Variants in KBTBD12 observed in about 807,000 individuals in gnomAD.
KBTBD12 encodes kelch repeat and BTB domain-containing protein 12.
Under a neutral mutation model 58.7 loss-of-function variants are expected in KBTBD12, and 53 were observed. The ratio of observed to expected loss-of-function variants is 0.90; its 90% CI spans 0.72 to 1.14. The LOEUF is 1.14. Among genes scored for constraint, KBTBD12 ranks in the 50% most tolerant of loss-of-function variants. KBTBD12 has a pLI of 0.00. For missense variants in KBTBD12, 704 were observed against 751.3 expected (o/e 0.94, Z 0.74); for synonymous variants, 236 against 259.8 (o/e 0.91, Z 0.88).
intron 5 of KBTBD12, among the ~76,000 whole-genome samples, chr3:127,964,476 A>G (rs1940521626): frequency 1.3e-5 from 2 of 151,410 alleles, no homozygotes; most frequent in African/African-American, 2.4e-5. Context: ...TACTTAAAAA[A>G]AAAAAAAATA....
intron 1 of KBTBD12, among the ~76,000 whole-genome samples, chr3:127,918,528 C>T (rs1273909089): frequency 6.6e-6 from 1 of 151,952 alleles, no homozygotes; most frequent in Non-Finnish European, 1.5e-5. Context: ...CTGGCTAACA[C>T]GGTGAAACCC....
At chr3:127,964,075 A>T (rs778185162) in intron 5 of KBTBD12, among the ~76,000 whole-genome samples, 38 of 152,200 alleles carry the variant, frequency 2.5e-4, no homozygotes, top group Admixed American at 2.0e-4. Context: ...GAGATTATAA[A>T]CTATGCATAA....
In KBTBD12 at chr3:127,930,172, A is replaced by G. The variant is rs753914565; in HGVS notation, c.1381A>G (p.Lys461Glu). 1.9e-6 allele frequency: 3 copies of G among 1,601,148 alleles called. No individual in the cohort carries two copies. Among genetic ancestry groups the G allele is most frequent in the African/African-American group, 2.7e-5 (2 of 74,736 alleles). The change falls in exon 4 of 6, where the codon AAA (lysine) becomes GAA (glutamate). Residue 461 changes from lysine to glutamate, a missense_variant. Coordinates refer to ENST00000405109, the MANE Select transcript of KBTBD12 (RefSeq NM_207335.4). ...PDEEPDRLSN[K>E]LLQYDPSQDQ... ...TGAAGAACCTGATCGATTAAGCAAC[A>G]AACTGTTGCAGTATGACCCCAGCCA...
chr3:127,975,316 G>A (rs760447765), intron 5 of KBTBD12, among the ~76,000 whole-genome samples: 1 of 152,192 alleles, frequency 6.6e-6, no homozygotes, highest in Non-Finnish European at 1.5e-5. Flanking sequence ...AAATCCTCAG[G>A]CAAAGAGTAG....
intron 5 of KBTBD12, among the ~76,000 whole-genome samples, chr3:127,965,981 T>C (rs1331382595): frequency 6.6e-6 from 1 of 152,042 alleles, no homozygotes; most frequent in Non-Finnish European, 1.5e-5. Context: ...GAAATGAAAA[T>C]GATACTGAAA....
chr3:127,984,337 G>A lies in KBTBD12; in HGVS notation c.*59G>A. ...CAAACAAGGCCTTCAGAACGGAGAGGGCCCACAGCATCTCTGTCATGCCAG... is the reference window on the plus strand; with the variant it reads ...CAAACAAGGCCTTCAGAACGGAGAGAGCCCACAGCATCTCTGTCATGCCAG... On this transcript the variant is annotated 3_prime_UTR_variant, in exon 6 of 6. Coordinates refer to ENST00000405109, the MANE Select transcript of KBTBD12 (RefSeq NM_207335.4). 2 of 1,467,166 alleles carry A rather than the reference G, an allele frequency of 1.4e-6. No individual in the cohort carries two copies. The highest frequency in any genetic ancestry group is 1.9e-6 in the Non-Finnish European group (2 of 1,063,964). 90.9% of individuals were successfully genotyped at this position (1,467,166 alleles called of 1,614,324 possible). A position where few individuals can be genotyped will look rare whatever the true frequency, so the allele number is the denominator to read the frequency against.
At chr3:127,930,958 C>T (rs914648793) in intron 4 of KBTBD12, among the ~76,000 whole-genome samples, 2 of 152,094 alleles carry the variant, frequency 1.3e-5, no homozygotes, top group Admixed American at 6.6e-5. Flanking sequence ...TAAGTACATT[C>T]CATCTGCCTA....
chr3:127,924,176 C>T, intron 2 of KBTBD12, 45 bp downstream of exon 2: 1 of 1,246,564 alleles, frequency 8.0e-7, no homozygotes, highest in Non-Finnish European at 1.1e-6. Flanking sequence ...TGTTTTGATA[C>T]TAGCAGCAGT....
intron 5 of KBTBD12, 80 bp downstream of exon 5, chr3:127,963,466 T>C (rs927450928): frequency 7.7e-7 from 1 of 1,291,116 alleles, no homozygotes. Flanking sequence ...TCACCACTAA[T>C]ATTCCTGAGA....
intron 5 of KBTBD12, among the ~76,000 whole-genome samples, chr3:127,973,536 T>C (rs1422315234): frequency 1.3e-5 from 2 of 152,158 alleles, no homozygotes; most frequent in East Asian, 1.9e-4. Context: ...GGTATGATAA[T>C]GGTTTGTGAT....
At chr3:127,926,117 T>C (rs1444827733) in intron 2 of KBTBD12, among the ~76,000 whole-genome samples, 1 of 152,196 alleles carries the variant, frequency 6.6e-6, no homozygotes, top group Non-Finnish European at 1.5e-5. Flanking sequence ...AAGGCCTTTG[T>C]CACTATTGTT....
intron 5 of KBTBD12, among the ~76,000 whole-genome samples, chr3:127,971,242 G>A (rs549629787): frequency 1.3e-4 from 20 of 152,272 alleles, no homozygotes; most frequent in African/African-American, 4.1e-4. Context: ...TTAGGTACCT[G>A]CAAAAGATTC....
chr3:127,972,896 G>A (rs1462216098), intron 5 of KBTBD12, among the ~76,000 whole-genome samples: 1 of 152,192 alleles, frequency 6.6e-6, no homozygotes, highest in Non-Finnish European at 1.5e-5. Flanking sequence ...ATCCTAATTT[G>A]TATAATAGTT....
Position 127,985,815 on chromosome 3 carries a change from G to A in KBTBD12, c.*1537G>A, listed in dbSNP as rs1257441786. Reference sequence around the variant, plus strand: ...AGTGCACTCACAGTACCTGGCATGTGGGTGACCTCTTGGGTGGCCGGCATG... The same window carrying A: ...AGTGCACTCACAGTACCTGGCATGTAGGTGACCTCTTGGGTGGCCGGCATG... On this transcript the variant is annotated 3_prime_UTR_variant, in exon 6 of 6. Coordinates refer to ENST00000405109, the MANE Select transcript of KBTBD12 (RefSeq NM_207335.4). 1 of 152,320 alleles carries A rather than the reference G, an allele frequency of 6.6e-6. No individual in the cohort carries two copies. Among genetic ancestry groups the A allele is most frequent in the Non-Finnish European group, 1.5e-5 (1 of 68,106 alleles). 9.4% of individuals were successfully genotyped at this position (152,320 alleles called of 1,614,324 possible).
chr3:127,949,477 T>C (rs933473359), intron 4 of KBTBD12, among the ~76,000 whole-genome samples: 1 of 152,174 alleles, frequency 6.6e-6, no homozygotes, highest in African/African-American at 2.4e-5. Flanking sequence ...TTAGTGCTTA[T>C]TGAAAGGACC....
chr3:127,949,891 C>G (rs370252945), intron 4 of KBTBD12, among the ~76,000 whole-genome samples: 1 of 152,124 alleles, frequency 6.6e-6, no homozygotes, highest in African/African-American at 2.4e-5. Flanking sequence ...GGGGAAGGAG[C>G]TGGAAATCAA....
In KBTBD12 at chr3:127,986,190, C is replaced by G. The variant is rs774446546; in HGVS notation, c.*1912C>G. ...CAAGATCTGGGTTCCAGCCCCCGCT[C>G]TGCTACTTAGCTAACCATGTGAACT... On this transcript the variant is annotated 3_prime_UTR_variant, in exon 6 of 6. Transcript: ENST00000405109. The G allele has an allele frequency of 6.6e-6, 1 of 152,632 alleles. No individual in the cohort carries two copies. The highest frequency in any genetic ancestry group is 1.5e-5 in the Non-Finnish European group (1 of 68,060). 9.5% of individuals were successfully genotyped at this position (152,632 alleles called of 1,614,324 possible). A position where few individuals can be genotyped will look rare whatever the true frequency, so the allele number is the denominator to read the frequency against.
intron 5 of KBTBD12, among the ~76,000 whole-genome samples, chr3:127,974,187 A>C (rs1940735115): frequency 1.3e-5 from 2 of 152,244 alleles, no homozygotes; most frequent in African/African-American, 4.8e-5. Context: ...CAGCAAACCT[A>C]AGCTAAGAAA....
At chr3:127,959,438 A>G (rs758839557) in intron 4 of KBTBD12, among the ~76,000 whole-genome samples, 33 of 152,252 alleles carry the variant, frequency 2.2e-4, no homozygotes, top group Non-Finnish European at 4.3e-4. Context: ...TCTCTATCCA[A>G]CCCCGGAAGA....
Sources: gnomAD v4.1 joint callset for allele counts (sites outside exome capture counted in the v4.1 genomes callset) on GRCh38, gnomAD v4.1.1 for gene constraint, MANE v1.5 for transcripts, NCBI Gene and HGNC (gene_info 2026-07-23, HGNC 2026-07-21) for gene names.